RPL14: variants seen among roughly 807,000 people sequenced by gnomAD.
RPL14 encodes ribosomal protein L14.
RPL14 carries 4 observed loss-of-function variants against 25.3 expected under a neutral mutation model. That is an observed-to-expected ratio of 0.16 (90% CI 0.08 to 0.36). RPL14 has a LOEUF of 0.36. RPL14 is among the 10% of genes least tolerant of loss of function. The pLI, the probability that RPL14 is intolerant of heterozygous loss-of-function variation, is 1.00. For missense variants in RPL14, 212 were observed against 261.9 expected (o/e 0.81, Z 1.31); for synonymous variants, 75 against 89.8 (o/e 0.84, Z 0.93).
At chr3:40,459,500 A>G (rs1035671216) in intron 3 of RPL14, among the ~76,000 whole-genome samples, 4 of 152,276 alleles carry the variant, frequency 2.6e-5, no homozygotes, top group Non-Finnish European at 5.9e-5. Flanking sequence ...AGTTAATTCA[A>G]CCCACAATGA....
rs1465191570 is a variant in RPL14, at chr3:40,464,975, CAT to C, written c.*2745_*2746del. On this transcript the variant is annotated 3_prime_UTR_variant, in exon 6 of 6. Transcript: ENST00000396203. ...TCTTGAAAGCTATGTAGTTTAGGCA[CAT>C]AGTCAAAATCCAGTTTCCTCATCTA... 3 of 165,352 alleles carry C rather than the reference CAT, an allele frequency of 1.8e-5. No individual in the cohort carries two copies. Among genetic ancestry groups the C allele is most frequent in the Non-Finnish European group, 4.0e-5 (3 of 75,346 alleles). 10.2% of individuals were successfully genotyped at this position (165,352 alleles called of 1,614,324 possible). A position where few individuals can be genotyped will look rare whatever the true frequency, so the allele number is the denominator to read the frequency against.
Position 40,466,235 on chromosome 3 carries a change from C to CTGGT in RPL14, c.*4004_*4007dup, listed in dbSNP as rs1487586521. The CTGGT allele has an allele frequency of 2.0e-5, 3 of 152,212 alleles. No homozygotes were observed. Among genetic ancestry groups the CTGGT allele is most frequent in the Non-Finnish European group, 4.4e-5 (3 of 68,042 alleles). The allele number at this position is 152,212 out of a possible 1,614,324, so 9.4% of individuals were successfully genotyped here. The stretch of plus-strand genomic sequence containing the variant: ...GGGCGTAATCTTCAGGAAGGTCAGT[C>CTGGT]TGGTAGCATAGTGTGGATTGGGTTG... On this transcript the variant is annotated 3_prime_UTR_variant, in exon 6 of 6. Transcript: ENST00000396203.
At chr3:40,457,839 G>A (rs749442978) in intron 1 of RPL14, 51 bp from the exon 2 acceptor site, 7 of 1,481,948 alleles carry the variant, frequency 4.7e-6, no homozygotes, top group East Asian at 4.5e-5. Flanking sequence ...GGTGACATAT[G>A]TAGCGAGTAT....
At chr3:40,461,835 G>C in intron 5 of RPL14, 104 bp from the exon 6 acceptor site, 1 of 1,351,294 alleles carries the variant, frequency 7.4e-7, no homozygotes, top group Non-Finnish European at 1.0e-6. Context: ...TTCAGATGTA[G>C]TTGTAGGGAA....
chr3:40,458,144 G>A (rs1696874120), intron 2 of RPL14, 153 bp downstream of exon 2: 1 of 662,590 alleles, frequency 1.5e-6, no homozygotes, highest in Admixed American at 2.6e-5. Context: ...CGGGTTTTAA[G>A]CACAGCCTGA....
At position 40,462,374 on chromosome 3, in the gene RPL14, T is replaced by TG. The variant is rs1696956018; in HGVS notation, c.*142_*143insG. The TG allele has an allele frequency of 6.3e-5, 3 of 47,938 alleles. No individual in the cohort carries two copies. The highest frequency in any genetic ancestry group is 9.8e-5 in the Non-Finnish European group (3 of 30,644). The allele number at this position is 47,938 out of a possible 1,614,324, so 3.0% of individuals were successfully genotyped here. A position where few individuals can be genotyped will look rare whatever the true frequency, so the allele number is the denominator to read the frequency against. Reference sequence around the variant, plus strand: ...TAATAAACATTAAATAATCAGTTCCTTTTTTTTTTTTTTTTTTTTTGAGAT... The same window carrying TG: ...TAATAAACATTAAATAATCAGTTCCTGTTTTTTTTTTTTTTTTTTTTGAGAT... On this transcript the variant is annotated 3_prime_UTR_variant, in exon 6 of 6. Transcript: ENST00000396203.
intron 3 of RPL14, chr3:40,459,133 G>T (rs577366170): frequency 5.2e-6 from 1 of 193,348 alleles, no homozygotes; most frequent in African/African-American, 2.4e-5. Flanking sequence ...GCAGAGAGCC[G>T]TGATCATGCC....
rs941394612 is a variant in RPL14 at position 40,466,817 on chromosome 3, T to G, written c.*4585T>G. On this transcript the variant is annotated 3_prime_UTR_variant, in exon 6 of 6. Coordinates refer to ENST00000396203, the MANE Select transcript of RPL14 (RefSeq NM_001034996.3). Reference sequence around the variant, plus strand: ...TAGGCAAAATTTGGAAGTTTGGTTTTCAGAAAGTCTTGACTTCCTCTTATC... The same window carrying G: ...TAGGCAAAATTTGGAAGTTTGGTTTGCAGAAAGTCTTGACTTCCTCTTATC... The G allele has an allele frequency of 6.6e-6, 1 of 152,222 alleles. No homozygotes were observed. The highest frequency in any genetic ancestry group is 1.9e-4 in the East Asian group (1 of 5,198). The allele number at this position is 152,222 out of a possible 1,614,324, so 9.4% of individuals were successfully genotyped here.
intron 4 of RPL14, 43 bp from the exon 5 acceptor site, chr3:40,461,565 G>A (rs1696937412): frequency 6.3e-7 from 1 of 1,598,706 alleles, no homozygotes; most frequent in African/African-American, 1.3e-5. Context: ...GTTCAAGATA[G>A]TGTGAGAGGG....
At position 40,464,344 on chromosome 3, in the gene RPL14, G is replaced by A. The variant is rs1287820702; in HGVS notation, c.*2112G>A. The A allele has an allele frequency of 2.6e-6, 1 of 390,932 alleles. No individual in the cohort carries two copies. Among genetic ancestry groups the A allele is most frequent in the African/African-American group, 2.1e-5 (1 of 48,162 alleles). 24.2% of individuals were successfully genotyped at this position (390,932 alleles called of 1,614,324 possible). Reference sequence around the variant, plus strand: ...GGTAAAGGAAAAAGCACATTGATTTGCTTGATAATAGGCAAGTGGTATGGT... The same window carrying A: ...GGTAAAGGAAAAAGCACATTGATTTACTTGATAATAGGCAAGTGGTATGGT... On this transcript the variant is annotated 3_prime_UTR_variant, in exon 6 of 6. Coordinates refer to ENST00000396203, the MANE Select transcript of RPL14 (RefSeq NM_001034996.3).
At chr3:40,460,613 A>AG (rs1357787699) in intron 3 of RPL14, among the ~76,000 whole-genome samples, 2 of 77,306 alleles carry the variant, frequency 2.6e-5, no homozygotes, top group African/African-American at 5.2e-5. Flanking sequence ...GTTTTTTTTG[A>AG]GGGTTTTTTT....
chr3:40,457,895 C>T lies in RPL14; in HGVS notation c.9C>T (p.Phe3=). ...CCTTTCTCCTCCAATTTTAGGTGTT[C>T]AGGCGCTTCGTGGAGGTTGGCCGGG... MV[F]RRFVEVGRVA... The change falls in exon 2 of 6, where the codon TTC becomes TTT. Residue 3 remains phenylalanine, a synonymous_variant. Coordinates refer to ENST00000396203, the MANE Select transcript of RPL14 (RefSeq NM_001034996.3). 6.2e-7 allele frequency: 1 copy of T among 1,614,154 alleles called. No individual in the cohort carries two copies. The highest frequency in any genetic ancestry group is 8.5e-7 in the Non-Finnish European group (1 of 1,179,974).
intron 3 of RPL14, among the ~76,000 whole-genome samples, chr3:40,460,192 A>C (rs1183301051): frequency 6.6e-6 from 1 of 152,144 alleles, no homozygotes; most frequent in African/African-American, 2.4e-5. Context: ...TTTTTTAAAA[A>C]AAAGCCTAAC....
intron 3 of RPL14, among the ~76,000 whole-genome samples, chr3:40,460,622 T>C (rs559284427): frequency 6.6e-6 from 1 of 151,060 alleles, no homozygotes; most frequent in Admixed American, 6.6e-5. Context: ...GAGGGTTTTT[T>C]TTTTCTTTTG....
intron 3 of RPL14, among the ~76,000 whole-genome samples, chr3:40,459,365 C>G (rs1414903844): frequency 1.1e-4 from 17 of 152,176 alleles, no homozygotes; most frequent in Admixed American, 1.1e-3. Flanking sequence ...GATAAGCTCT[C>G]AGTGTGTGTC....
At chr3:40,461,551 G>T in intron 4 of RPL14, 45 bp downstream of exon 4, 1 of 1,609,122 alleles carries the variant, frequency 6.2e-7, no homozygotes, top group Non-Finnish European at 8.5e-7. Flanking sequence ...TCTTTTTTTG[G>T]AGGGTTCAAG....
In RPL14 at chr3:40,466,515, C is replaced by CGAAA. The variant is rs1697029819; in HGVS notation, c.*4283_*4284insGAAA. On this transcript the variant is annotated 3_prime_UTR_variant, in exon 6 of 6. Transcript: ENST00000396203. ...GTGAAACCCTGTCTCTACTAAAAAT[C>CGAAA]AAAAAAAAAAAAAAAAAAATGGCTG... The CGAAA allele has an allele frequency of 8.1e-6, 1 of 123,672 alleles. No homozygotes were observed. The highest frequency in any genetic ancestry group is 1.6e-5 in the Non-Finnish European group (1 of 61,796). 7.7% of individuals were successfully genotyped at this position (123,672 alleles called of 1,614,324 possible). A position where few individuals can be genotyped will look rare whatever the true frequency, so the allele number is the denominator to read the frequency against.
In RPL14 at chr3:40,464,283, G is replaced by C; in HGVS notation, c.*2051G>C. The C allele has an allele frequency of 2.8e-6, 1 of 354,538 alleles. No homozygotes were observed. The highest frequency in any genetic ancestry group is 7.4e-5 in the East Asian group (1 of 13,586). 22.0% of individuals were successfully genotyped at this position (354,538 alleles called of 1,614,324 possible). ...CCAGGAATACATTTTAAATAAATTT[G>C]TTTCCTAACCAAAAGCTAGCTTCAG... On this transcript the variant is annotated 3_prime_UTR_variant, in exon 6 of 6. Coordinates refer to ENST00000396203, the MANE Select transcript of RPL14 (RefSeq NM_001034996.3).
Position 40,461,888 on chromosome 3 carries a change from T to G in RPL14, c.355-51T>G, listed in dbSNP as rs747139248. The stretch of plus-strand genomic sequence containing the variant: ...CTTTCTAAAACCAGCATAAATTGGA[T>G]TTTATTGTATGTATACACAATAAGT... On this transcript the variant is annotated intron_variant, in intron 5 of 5. Transcript: ENST00000396203. The G allele has an allele frequency of 3.9e-6, 6 of 1,536,892 alleles. No homozygotes were observed. The Admixed American group carries it at 1.3e-4, about 33-fold the overall frequency.
Sources: gnomAD v4.1 joint callset for allele counts (sites outside exome capture counted in the v4.1 genomes callset) on GRCh38, gnomAD v4.1.1 for gene constraint, MANE v1.5 for transcripts, NCBI Gene and HGNC (gene_info 2026-07-23, HGNC 2026-07-21) for gene names.